The following KIFAP3 variants were observed in gnomAD, a reference collection of about 807,000 sequenced individuals.
KIFAP3 encodes the protein kinesin-associated protein 3.
KIFAP3 carries 68 observed loss-of-function variants against 106.5 expected under a neutral mutation model. The ratio of observed to expected loss-of-function variants is 0.64; its 90% CI spans 0.53 to 0.78. The LOEUF (loss-of-function observed/expected upper bound fraction) is 0.78, where lower values mean the gene tolerates loss of function less well. Ranked by LOEUF, KIFAP3 falls within the 30% of genes least tolerant of loss-of-function variation. KIFAP3 has a pLI of 0.00. For missense variants in KIFAP3, 780 were observed against 941.8 expected (o/e 0.83, Z 2.25); for synonymous variants, 320 against 311.5 (o/e 1.03, Z -0.29).
intron 9 of KIFAP3, among the ~76,000 whole-genome samples, chr1:170,022,826 G>T (rs140356614): frequency 6.6e-6 from 1 of 152,044 alleles, no homozygotes; most frequent in Non-Finnish European, 1.5e-5. Context: ...CCAATTCTAT[G>T]ATCTTACCAG....
chr1:169,972,165 A>T (rs1401162560), intron 17 of KIFAP3, among the ~76,000 whole-genome samples: 1 of 151,948 alleles, frequency 6.6e-6, no homozygotes, highest in Admixed American at 6.6e-5. Context: ...TTTATTAAAA[A>T]AATTTAATGG....
rs1425784987 is a variant in KIFAP3, at chr1:169,950,377, T to C, written c.2273+3634A>G. ...CAATGGTAATGATAAAAGTTCACCTTTTATACATTAATCAAGTATTACTCT... is the reference window on the plus strand; with the variant it reads ...CAATGGTAATGATAAAAGTTCACCTCTTATACATTAATCAAGTATTACTCT... On this transcript the variant is annotated intron_variant, in intron 19 of 19. Coordinates refer to ENST00000361580, the MANE Select transcript of KIFAP3 (RefSeq NM_014970.4). 7.9e-5 allele frequency among the ~76,000 whole-genome samples: 12 copies of C among 152,264 alleles called. No homozygotes were observed. The East Asian group carries it at 2.1e-3, about 27-fold the overall frequency.
intron 19 of KIFAP3, among the ~76,000 whole-genome samples, chr1:169,941,687 C>T (rs954570742): frequency 2.6e-5 from 4 of 151,994 alleles, no homozygotes; most frequent in Non-Finnish European, 5.9e-5. Flanking sequence ...ATGACTATCA[C>T]CCAAGATGGC....
At chr1:170,020,819 A>G (rs940543631) in intron 9 of KIFAP3, among the ~76,000 whole-genome samples, 2 of 152,242 alleles carry the variant, frequency 1.3e-5, no homozygotes, top group African/African-American at 4.8e-5. Flanking sequence ...ATCTTGGTCC[A>G]TATCTTGTAC....
Position 169,939,801 on chromosome 1 carries a change from C to G in KIFAP3, c.2273+14210G>C, listed in dbSNP as rs149552090. On this transcript the variant is annotated intron_variant, in intron 19 of 19. Coordinates refer to ENST00000361580, the MANE Select transcript of KIFAP3 (RefSeq NM_014970.4). ...GGAGTTTCAAAAAGCAGGGCCTGGTCAACTGTGTCAAAACCAGCTGAGAGG... is the reference window on the plus strand; with the variant it reads ...GGAGTTTCAAAAAGCAGGGCCTGGTGAACTGTGTCAAAACCAGCTGAGAGG... Among the ~76,000 whole-genome samples the G allele has an allele frequency of 2.7e-3, 412 of 152,212 alleles. 3 individuals carry two copies. The highest frequency in any genetic ancestry group is 4.5e-3 in the Non-Finnish European group (305 of 67,994).
At chr1:170,064,543 G>T (rs1671338461) in intron 1 of KIFAP3, among the ~76,000 whole-genome samples, 1 of 152,102 alleles carries the variant, frequency 6.6e-6, no homozygotes, top group Non-Finnish European at 1.5e-5. Context: ...TTATAGAGAT[G>T]GGGTTTCAAC....
At chr1:170,000,304 G>T (rs1358512562) in intron 10 of KIFAP3, among the ~76,000 whole-genome samples, 2 of 152,026 alleles carry the variant, frequency 1.3e-5, no homozygotes. Context: ...TTTCAAAGTG[G>T]AACACTCCCT....
intron 19 of KIFAP3, among the ~76,000 whole-genome samples, chr1:169,939,046 G>A (rs1663962318): frequency 6.6e-6 from 1 of 152,136 alleles, no homozygotes; most frequent in Non-Finnish European, 1.5e-5. Flanking sequence ...TATTACAGGA[G>A]TATGGGAAGC....
At chr1:170,079,240 A>T (rs1393321858), upstream of KIFAP3, among the ~76,000 whole-genome samples, 1 of 152,044 alleles carries the variant, frequency 6.6e-6, no homozygotes, top group Non-Finnish European at 1.5e-5. Flanking sequence ...CTTGCCTCCT[A>T]TCTTGCCATG....
intron 16 of KIFAP3, among the ~76,000 whole-genome samples, chr1:169,973,682 C>T (rs182856849): frequency 7.3e-4 from 110 of 151,718 alleles, no homozygotes; most frequent in East Asian, 2.7e-3. Context: ...CAAGGGAAAG[C>T]GAAAAAACAT....
Position 170,074,537 on chromosome 1 carries a change from G to C in KIFAP3, c.-70C>G. 6.2e-7 allele frequency: 1 copy of C among 1,608,228 alleles called. No individual in the cohort carries two copies. The highest frequency in any genetic ancestry group is 8.5e-7 in the Non-Finnish European group (1 of 1,177,524). On this transcript the variant is annotated 5_prime_UTR_variant, in exon 1 of 20. Coordinates refer to ENST00000361580, the MANE Select transcript of KIFAP3 (RefSeq NM_014970.4). Reference sequence around the variant, plus strand: ...GCAGGCGCGGTTATTTCCGGGGACGGTGGCCAAAGTACCCTCACACCCAGA... The same window carrying C: ...GCAGGCGCGGTTATTTCCGGGGACGCTGGCCAAAGTACCCTCACACCCAGA...
chr1:169,930,056 T>C (rs1277648478), intron 19 of KIFAP3, among the ~76,000 whole-genome samples: 2 of 152,242 alleles, frequency 1.3e-5, no homozygotes, highest in East Asian at 3.8e-4. Context: ...TATACTTTTC[T>C]TATACATCTC....
At chr1:169,972,392 G>T in intron 17 of KIFAP3, 121 bp downstream of exon 17, 1 of 613,014 alleles carries the variant, frequency 1.6e-6, no homozygotes, top group Non-Finnish European at 2.9e-6. Flanking sequence ...TGTATATCCT[G>T]AATCTTACCA....
intron 15 of KIFAP3, among the ~76,000 whole-genome samples, chr1:169,980,647 C>T (rs1571599781): frequency 6.6e-6 from 1 of 152,150 alleles, no homozygotes. Flanking sequence ...ACATTTTCAT[C>T]AACTAAGAAA....
intron 17 of KIFAP3, among the ~76,000 whole-genome samples, chr1:169,965,316 A>T (rs1321654763): frequency 6.6e-6 from 1 of 152,072 alleles, no homozygotes; most frequent in African/African-American, 2.4e-5. Context: ...CTTCAAGGAA[A>T]AAGAAAAATC....
intron 3 of KIFAP3, among the ~76,000 whole-genome samples, chr1:170,039,688 C>T (rs1310016140): frequency 1.3e-5 from 2 of 151,426 alleles, no homozygotes; most frequent in African/African-American, 4.9e-5. Flanking sequence ...AATATAAAAA[C>T]TAAAATGAAA....
intron 3 of KIFAP3, among the ~76,000 whole-genome samples, chr1:170,040,034 T>C (rs933733628): frequency 6.6e-6 from 1 of 152,138 alleles, no homozygotes; most frequent in Non-Finnish European, 1.5e-5. Context: ...ATCAAAATTT[T>C]TGATTCCACA....
intron 8 of KIFAP3, among the ~76,000 whole-genome samples, chr1:170,024,950 G>A (rs1043052895): frequency 2.6e-5 from 4 of 151,972 alleles, no homozygotes; most frequent in African/African-American, 9.7e-5. Flanking sequence ...AAATAAAGCA[G>A]ACAGAGGAAA....
intron 10 of KIFAP3, among the ~76,000 whole-genome samples, chr1:170,016,169 A>G (rs569820457): frequency 2.9e-4 from 44 of 152,216 alleles, no homozygotes; most frequent in African/African-American, 1.0e-3. Flanking sequence ...TGAAGATAAA[A>G]TATTTTTTTC....
Sources: allele counts gnomAD v4.1 joint callset (sites outside exome capture counted in the v4.1 genomes callset), GRCh38; gene constraint gnomAD v4.1.1; transcripts MANE v1.5; gene names NCBI Gene and HGNC (gene_info 2026-07-23, HGNC 2026-07-21).